The following RP2 variants were observed in gnomAD, a reference collection of about 807,000 sequenced individuals.
The protein encoded by RP2 is RP2 activator of ARL3 GTPase.
A neutral mutation model predicts 20.3 loss-of-function variants in RP2; 3 were observed. The observed-to-expected ratio is 0.15, with a 90% CI of 0.07 to 0.38. RP2 has a LOEUF of 0.38. Ranked by LOEUF, RP2 falls within the 10% of genes least tolerant of loss-of-function variation. The pLI, the probability that RP2 is intolerant of heterozygous loss-of-function variation, is 1.00. For synonymous variants in RP2, 75 were observed against 94.8 expected (o/e 0.79, Z 1.22); for missense variants, 233 against 268.5 (o/e 0.87, Z 0.92).
In RP2 at chrX:46,853,535, T is replaced by C. The variant is rs782744976; in HGVS notation, c.162T>C (p.Pro54=). 11 of 1,209,283 alleles carry C rather than the reference T, an allele frequency of 9.1e-6. No homozygotes were observed. The highest frequency in any genetic ancestry group is 1.2e-5 in the Non-Finnish European group (11 of 894,735). The change falls in exon 2 of 5, where the codon CCT becomes CCC. Residue 54 remains proline, a synonymous_variant. Transcript: ENST00000218340. ...GLKDETVGRL[P]GTVAGQQFLI... ...AGGATGAAACAGTAGGTCGCTTACC[T>C]GGGACGGTAGCAGGACAACAGTTTC...
chrX:46,879,244 TAAATA>T (rs1344667718), intron 4 of RP2, among the ~76,000 whole-genome samples: 54 of 108,056 alleles, frequency 5.0e-4, no homozygotes, highest in African/African-American at 1.7e-3. Context: ...GTCTCAAAAA[TAAATA>T]AAATAAAATA....
At chrX:46,838,237 A>C (rs1449178065) in intron 1 of RP2, among the ~76,000 whole-genome samples, 3 of 112,423 alleles carry the variant, frequency 2.7e-5, no homozygotes, top group Non-Finnish European at 5.6e-5. Flanking sequence ...TATTCAGGTA[A>C]GCTCTGGTCT....
intron 2 of RP2, among the ~76,000 whole-genome samples, chrX:46,857,007 T>C (rs1412379315): frequency 9.0e-6 from 1 of 111,485 alleles, no homozygotes; most frequent in African/African-American, 3.3e-5. Context: ...AAAACTTGAG[T>C]CTTTCTCATG....
intron 3 of RP2, among the ~76,000 whole-genome samples, chrX:46,877,254 C>T (rs1424354634): frequency 8.9e-6 from 1 of 112,208 alleles, no homozygotes; most frequent in African/African-American, 3.2e-5. Context: ...AGACTATTTA[C>T]AACACTTTAA....
rs1350553658 is a variant in RP2, at chrX:46,880,851, G to A, written c.*1082G>A. 1.8e-5 allele frequency: 2 copies of A among 111,570 alleles called. No homozygotes were observed. Among genetic ancestry groups the A allele is most frequent in the Non-Finnish European group, 3.8e-5 (2 of 53,141 alleles). The allele number at this position is 111,570 out of a possible 1,213,427, so 9.2% of individuals were successfully genotyped here. A position where few individuals can be genotyped will look rare whatever the true frequency, so the allele number is the denominator to read the frequency against. On this transcript the variant is annotated 3_prime_UTR_variant, in exon 5 of 5. Transcript: ENST00000218340. Reference sequence around the variant, plus strand: ...TCTTGGACCCAATCCTCAGATGCACGGATTCAGTCTTCAGGGGAAACTCTG... The same window carrying A: ...TCTTGGACCCAATCCTCAGATGCACAGATTCAGTCTTCAGGGGAAACTCTG...
intron 3 of RP2, among the ~76,000 whole-genome samples, chrX:46,868,467 C>T (rs1273104172): frequency 2.7e-5 from 3 of 110,966 alleles, no homozygotes; most frequent in Non-Finnish European, 5.7e-5. Flanking sequence ...CATCACTATT[C>T]TGCAAGTGTT....
At chrX:46,853,355 T>C in intron 1 of RP2, 121 bp from the exon 2 acceptor site, 1 of 582,050 alleles carries the variant, frequency 1.7e-6, no homozygotes, top group East Asian at 3.4e-5. Flanking sequence ...TGTTTCAAAG[T>C]CATTGAGATT....
chrX:46,854,813 G>A (rs1398430216), intron 2 of RP2, among the ~76,000 whole-genome samples: 2 of 109,869 alleles, frequency 1.8e-5, no homozygotes, highest in Non-Finnish European at 3.8e-5. Flanking sequence ...TCACCCAGCC[G>A]GAGTGCAGTG....
intron 3 of RP2, among the ~76,000 whole-genome samples, chrX:46,864,439 G>A (rs1331744443): frequency 1.9e-5 from 2 of 103,791 alleles, no homozygotes; most frequent in Non-Finnish European, 3.9e-5. Flanking sequence ...CCCTGTCTTC[G>A]GGGCTCAAGC....
At chrX:46,869,693 C>G (rs1308931938) in intron 3 of RP2, among the ~76,000 whole-genome samples, 1 of 98,131 alleles carries the variant, frequency 1.0e-5, no homozygotes, top group Non-Finnish European at 2.1e-5. Context: ...CACCGCAACC[C>G]CCGCCTCCCG....
chrX:46,840,999 A>G lies in RP2; in HGVS notation c.102+3797A>G, dbSNP rs189658442. Among the ~76,000 whole-genome samples, 319 of 112,563 alleles carry G rather than the reference A, an allele frequency of 2.8e-3. 2 individuals are homozygous for G. Among genetic ancestry groups the G allele is most frequent in the African/African-American group, 9.8e-3 (305 of 31,063 alleles). The stretch of plus-strand genomic sequence containing the variant: ...TTTGTGCACTTCAGGTTCCTCAGCT[A>G]TATAGTAGGACAATGCTAAAGATTT... On this transcript the variant is annotated intron_variant, in intron 1 of 4. Transcript: ENST00000218340.
intron 1 of RP2, among the ~76,000 whole-genome samples, chrX:46,847,723 T>G (rs940756754): frequency 4.0e-5 from 3 of 74,475 alleles, no homozygotes; most frequent in Non-Finnish European, 8.3e-5. Flanking sequence ...CACATATATG[T>G]GTGTGTGTAT....
intron 1 of RP2, among the ~76,000 whole-genome samples, chrX:46,837,589 G>A (rs1280824808): frequency 3.6e-5 from 4 of 111,806 alleles, no homozygotes; most frequent in Non-Finnish European, 5.6e-5. Context: ...GTCAAGCGGG[G>A]TTTTGTCCAG....
At chrX:46,859,181 C>T (rs1319538582) in intron 2 of RP2, among the ~76,000 whole-genome samples, 1 of 111,635 alleles carries the variant, frequency 9.0e-6, no homozygotes, top group African/African-American at 3.3e-5. Flanking sequence ...TGTATCATGC[C>T]TTTTAAAATT....
chrX:46,840,306 CT>C (rs1412199649), intron 1 of RP2, among the ~76,000 whole-genome samples: 2 of 111,825 alleles, frequency 1.8e-5, no homozygotes, highest in Admixed American at 1.9e-4. Flanking sequence ...AAGGGCACCC[CT>C]TGGGTTTTGG....
rs182951469 is a variant in RP2, at chrX:46,874,876, C to A, written c.884-2629C>A. Among the ~76,000 whole-genome samples, 505 of 109,836 alleles carry A rather than the reference C, an allele frequency of 4.6e-3. 2 individuals are homozygous for A. The highest frequency in any genetic ancestry group is 0.016 in the African/African-American group (485 of 30,301). ...TCTTAAATCAAAAACAGGTGTTCCCCCTCTACTACTTTTTTCTTGCCTTTG... is the reference window on the plus strand; with the variant it reads ...TCTTAAATCAAAAACAGGTGTTCCCACTCTACTACTTTTTTCTTGCCTTTG... On this transcript the variant is annotated intron_variant, in intron 3 of 4. Transcript: ENST00000218340.
At chrX:46,860,409 A>G (rs782409255) in intron 3 of RP2, among the ~76,000 whole-genome samples, 9 of 111,602 alleles carry the variant, frequency 8.1e-5, no homozygotes, top group Non-Finnish European at 1.1e-4. Context: ...GTGTAGTGAT[A>G]AATATTTCAT....
chrX:46,878,426 T>C (rs1424589201), intron 4 of RP2, among the ~76,000 whole-genome samples: 7 of 110,126 alleles, frequency 6.4e-5, no homozygotes, highest in African/African-American at 2.3e-4. Flanking sequence ...TCTAAATATA[T>C]TGATGAAGTT....
chrX:46,861,261 T>C (rs1925057784), intron 3 of RP2, among the ~76,000 whole-genome samples: 1 of 112,201 alleles, frequency 8.9e-6, no homozygotes, highest in African/African-American at 3.2e-5. Flanking sequence ...TGTGTGATGT[T>C]AGTGAAGTCG....
Sources: gnomAD v4.1 joint callset for allele counts (sites outside exome capture counted in the v4.1 genomes callset) on GRCh38, gnomAD v4.1.1 for gene constraint, MANE v1.5 for transcripts, NCBI Gene and HGNC (gene_info 2026-07-23, HGNC 2026-07-21) for gene names.